The following CATSPERT variants were observed in gnomAD, a reference collection of about 807,000 sequenced individuals.
The protein encoded by CATSPERT is cation channel sperm-associated targeting subunit tau.
the CATSPERT span, among the ~76,000 whole-genome samples, chr2:201,512,709 T>C: frequency 6.6e-6 from 1 of 152,184 alleles, no homozygotes; most frequent in African/African-American, 2.4e-5. Context: ...GTGTTCCAGT[T>C]TGGAGCTATT....
the CATSPERT span, among the ~76,000 whole-genome samples, chr2:201,548,196 C>T: frequency 6.6e-6 from 1 of 152,038 alleles, no homozygotes; most frequent in Non-Finnish European, 1.5e-5. Context: ...GCTATCCCTC[C>T]CCCAAACAAT....
the CATSPERT span, among the ~76,000 whole-genome samples, chr2:201,565,108 GA>G: frequency 0.42 from 62,943 of 149,294 alleles, 13,693 homozygotes; most frequent in East Asian, 0.74. Flanking sequence ...AATACAGAAA[GA>G]AAAAAAAAAG....
chr2:201,618,792 A>T, the CATSPERT span: 3 of 837,400 alleles, frequency 3.6e-6, no homozygotes, highest in Non-Finnish European at 5.5e-6. Context: ...GTGCCAATTG[A>T]AGGGAGATGC....
the CATSPERT span, among the ~76,000 whole-genome samples, chr2:201,562,172 T>C: frequency 6.7e-5 from 10 of 150,002 alleles, no homozygotes; most frequent in African/African-American, 2.4e-4. Context: ...ACCTCAAATA[T>C]CTTCTCTAAT....
chr2:201,562,025 A>G, the CATSPERT span, among the ~76,000 whole-genome samples: 72,728 of 151,728 alleles, frequency 0.48, 17,862 homozygotes, highest in East Asian at 0.75. Context: ...CTTCCCCCTT[A>G]CTTTTTGGTC....
At chr2:201,584,083 GTT>G in the CATSPERT span, among the ~76,000 whole-genome samples, 1 of 151,528 alleles carries the variant, frequency 6.6e-6, no homozygotes, top group African/African-American at 2.4e-5. Flanking sequence ...CAGCCCAGGA[GTT>G]TGATACTAGC....
chr2:201,500,582 T>A, the CATSPERT span, among the ~76,000 whole-genome samples: 2 of 152,128 alleles, frequency 1.3e-5, no homozygotes, highest in African/African-American at 2.4e-5. Flanking sequence ...AGTATGTAAC[T>A]GAACTTGTCT....
At chr2:201,546,052 A>T in the CATSPERT span, among the ~76,000 whole-genome samples, 1 of 152,192 alleles carries the variant, frequency 6.6e-6, no homozygotes, top group Non-Finnish European at 1.5e-5. Context: ...GGAGAATTAT[A>T]AGGTAAAGTG....
the CATSPERT span, among the ~76,000 whole-genome samples, chr2:201,526,268 C>T: frequency 6.6e-6 from 1 of 152,116 alleles, no homozygotes; most frequent in Non-Finnish European, 1.5e-5. Context: ...CCTGTAATCC[C>T]AGCACTTTGG....
the CATSPERT span, among the ~76,000 whole-genome samples, chr2:201,505,946 A>G: frequency 4.1e-4 from 63 of 152,296 alleles, 1 homozygote; most frequent in East Asian, 0.01. Flanking sequence ...TTAAAAGGTT[A>G]TTTTAAAAAA....
chr2:201,545,728 C>A, the CATSPERT span: 7 of 645,048 alleles, frequency 1.1e-5, no homozygotes, highest in East Asian at 1.7e-4. Context: ...ACTTTTAATA[C>A]AATACACCTT....
the CATSPERT span, chr2:201,565,836 T>C: frequency 6.2e-7 from 1 of 1,610,524 alleles, no homozygotes; most frequent in Non-Finnish European, 8.5e-7. Context: ...GGGATAAGAA[T>C]GCTGGATATT....
chr2:201,578,324 T>C, the CATSPERT span, among the ~76,000 whole-genome samples: 19 of 152,250 alleles, frequency 1.2e-4, no homozygotes, highest in East Asian at 3.7e-3. Context: ...CCTTGCATTA[T>C]AAAAGTCCTT....
chr2:201,527,601 G>A, the CATSPERT span, among the ~76,000 whole-genome samples: 1 of 152,022 alleles, frequency 6.6e-6, no homozygotes, highest in East Asian at 1.9e-4. Flanking sequence ...CAGAAATAAA[G>A]CCACACACCT....
the CATSPERT span, among the ~76,000 whole-genome samples, chr2:201,546,670 G>A: frequency 7.2e-5 from 11 of 152,124 alleles, no homozygotes; most frequent in African/African-American, 2.4e-4. Context: ...TTCATACATT[G>A]CTGGTTGGAA....
the CATSPERT span, among the ~76,000 whole-genome samples, chr2:201,588,460 A>G: frequency 2.0e-5 from 3 of 149,566 alleles, no homozygotes; most frequent in African/African-American, 7.4e-5. Flanking sequence ...TTCATGTCAA[A>G]CACTCTCAAT....
chr2:201,561,496 T>TTAGGTTAGG, the CATSPERT span, among the ~76,000 whole-genome samples: 1 of 152,150 alleles, frequency 6.6e-6, no homozygotes, highest in African/African-American at 2.4e-5. Context: ...TTAGGTTAGG[T>TTAGGTTAGG]TAAGAACTGG....
chr2:201,542,087 T>G, the CATSPERT span, among the ~76,000 whole-genome samples: 1 of 152,178 alleles, frequency 6.6e-6, no homozygotes, highest in Admixed American at 6.5e-5. Flanking sequence ...AATTAAGTCA[T>G]GTACATTGAC....
At chr2:201,508,335 GTTAA>G in the CATSPERT span, among the ~76,000 whole-genome samples, 7 of 152,166 alleles carry the variant, frequency 4.6e-5, no homozygotes, top group Non-Finnish European at 1.0e-4. Flanking sequence ...ACTAAATGCA[GTTAA>G]TTATTTAAAT....
Sources: gnomAD v4.1 joint callset for allele counts (sites outside exome capture counted in the v4.1 genomes callset) on GRCh38, gnomAD v4.1.1 for gene constraint, MANE v1.5 for transcripts, NCBI Gene and HGNC (gene_info 2026-07-23, HGNC 2026-07-21) for gene names.